Variants in DPP6 observed in about 807,000 individuals in gnomAD.
DPP6 encodes A-type potassium channel modulatory protein DPP6.
In DPP6, 69 loss-of-function variants were observed where a neutral mutation model predicts 122.6. The ratio of observed to expected loss-of-function variants is 0.56; its 90% CI spans 0.46 to 0.69. DPP6 has a LOEUF of 0.69. Ranked by LOEUF, DPP6 falls within the 30% of genes least tolerant of loss-of-function variation. DPP6 has a pLI of 0.00. For synonymous variants in DPP6, 418 were observed against 433.1 expected, an observed-to-expected ratio of 0.97 and a Z score of 0.43; for missense variants, 928 against 1,116.9, an observed-to-expected ratio of 0.83 and a Z score of 2.41.
chr7:154,588,155 G>A, intron 5 of DPP6: 2 of 1,543,276 alleles, frequency 1.3e-6, no homozygotes, highest in South Asian at 2.5e-5. Flanking sequence ...GCTGTCATCA[G>A]GCCCAAGAAA....
intron 16 of DPP6, among the ~76,000 whole-genome samples, chr7:154,822,993 C>T (rs1420968046): frequency 6.6e-6 from 1 of 152,178 alleles, no homozygotes; most frequent in Non-Finnish European, 1.5e-5. Context: ...TGAATAAAAG[C>T]TGCACTACCA....
At chr7:153,872,039 C>G in the DPP6 span, among the ~76,000 whole-genome samples, 1 of 152,198 alleles carries the variant, frequency 6.6e-6, no homozygotes, top group African/African-American at 2.4e-5. Context: ...TATTCTTCAG[C>G]CTTCAAAACT....
intron 1 of DPP6, among the ~76,000 whole-genome samples, chr7:154,408,721 A>G (rs1816332232): frequency 6.7e-6 from 1 of 149,830 alleles, no homozygotes; most frequent in Non-Finnish European, 1.5e-5. Context: ...TGCGTGTCCT[A>G]TCTTTCCAGT....
At chr7:154,133,983 A>G (rs1795419109) in intron 1 of DPP6, among the ~76,000 whole-genome samples, 1 of 151,546 alleles carries the variant, frequency 6.6e-6, no homozygotes, top group African/African-American at 2.4e-5. Flanking sequence ...ATGCTGGAAG[A>G]GCTCCCAAAC....
chr7:154,574,618 ATGTG>A (rs1237090694), intron 5 of DPP6, among the ~76,000 whole-genome samples: 35,230 of 105,502 alleles, frequency 0.33, 4,617 homozygotes, highest in Admixed American at 0.45. Flanking sequence ...TTTGGGGTGT[ATGTG>A]TGTGGTGTGT....
intron 1 of DPP6, among the ~76,000 whole-genome samples, chr7:153,936,690 G>A (rs935951609): frequency 1.3e-5 from 2 of 151,886 alleles, no homozygotes; most frequent in Non-Finnish European, 1.5e-5. Context: ...GGGCGCCTGT[G>A]GTCCCAGCTA....
the DPP6 span, among the ~76,000 whole-genome samples, chr7:153,789,254 A>G: frequency 1.3e-5 from 2 of 152,186 alleles, no homozygotes; most frequent in Admixed American, 6.5e-5. Context: ...AATCAATGTT[A>G]TCTTAGATCC....
rs1823510184 is a variant in DPP6 at position 154,483,495 on chromosome 7, G to T, written c.457+8458G>T. 6.6e-6 allele frequency among the ~76,000 whole-genome samples: 1 copy of T among 152,098 alleles called. No individual in the cohort carries two copies. The highest frequency in any genetic ancestry group is 1.5e-5 in the Non-Finnish European group (1 of 68,026). The stretch of plus-strand genomic sequence containing the variant: ...TTCTACCAAGGGAACAAGGGAGAAG[G>T]CTTTTACAGAACAAAGACAGAAGCA... On this transcript the variant is annotated intron_variant, in intron 3 of 25. Coordinates refer to ENST00000377770, the MANE Select transcript of DPP6 (RefSeq NM_130797.4). The surrounding 1 kb of genome is among the most constrained non-coding windows in gnomAD (Gnocchi z 8.1).
chr7:154,084,989 CAAAAAA>C (rs370222780), intron 1 of DPP6, among the ~76,000 whole-genome samples: 1 of 78,434 alleles, frequency 1.3e-5, no homozygotes, highest in African/African-American at 5.3e-5. Context: ...GACTCCGTCT[CAAAAAA>C]AAAAAAAAAA....
rs938457612 is a variant in DPP6 at position 154,483,942 on chromosome 7, C to A, written c.457+8905C>A. On this transcript the variant is annotated intron_variant, in intron 3 of 25. Coordinates refer to ENST00000377770, the MANE Select transcript of DPP6 (RefSeq NM_130797.4). The surrounding 1 kb of genome is among the most constrained non-coding windows in gnomAD (Gnocchi z 8.1). ...ACTCCTGACCTCGTGATCTGCCCGC[C>A]TCAGCCTCCCAAAGTGTTGGGATTA... 4.6e-5 allele frequency among the ~76,000 whole-genome samples: 7 copies of A among 152,178 alleles called. No individual in the cohort carries two copies. The highest frequency in any genetic ancestry group is 1.7e-4 in the African/African-American group (7 of 41,436).
intron 1 of DPP6, among the ~76,000 whole-genome samples, chr7:154,381,899 G>T (rs1156301155): frequency 6.6e-6 from 1 of 152,032 alleles, no homozygotes; most frequent in Non-Finnish European, 1.5e-5. Flanking sequence ...ATTTGTCATT[G>T]GTGTCCGAGC....
intron 4 of DPP6, among the ~76,000 whole-genome samples, chr7:154,558,841 C>G (rs1184523323): frequency 1.3e-5 from 2 of 152,146 alleles, no homozygotes; most frequent in Non-Finnish European, 2.9e-5. Context: ...TGGAATAACC[C>G]TTAAAACATC....
At chr7:154,296,030 T>C (rs1270049437) in intron 1 of DPP6, among the ~76,000 whole-genome samples, 3 of 146,762 alleles carry the variant, frequency 2.0e-5, no homozygotes, top group East Asian at 2.0e-4. Context: ...CTGCAAGCTC[T>C]ACCTCCCAGG....
At chr7:154,680,686 ATTT>A (rs11295169) in intron 7 of DPP6, among the ~76,000 whole-genome samples, 30,976 of 133,372 alleles carry the variant, frequency 0.23, 3,837 homozygotes, top group Non-Finnish European at 0.3. Context: ...TTATATATAT[ATTT>A]TTTTTAAAAA....
chr7:154,042,495 T>G (rs55656654), intron 1 of DPP6, among the ~76,000 whole-genome samples: 48,280 of 152,124 alleles, frequency 0.32, 8,108 homozygotes, highest in Middle Eastern at 0.41. Flanking sequence ...CAAGCTTTTC[T>G]CAGTGTTCGG....
At chr7:154,888,173 C>T (rs532349453) in intron 23 of DPP6, among the ~76,000 whole-genome samples, 2 of 150,126 alleles carry the variant, frequency 1.3e-5, no homozygotes, top group Non-Finnish European at 2.9e-5. Context: ...ACTGCAACCT[C>T]TGCCTCCCAG....
At chr7:154,186,921 G>A (rs1280676191) in intron 1 of DPP6, among the ~76,000 whole-genome samples, 3 of 152,210 alleles carry the variant, frequency 2.0e-5, no homozygotes, top group Non-Finnish European at 2.9e-5. Context: ...GTGGCTATGC[G>A]GCATTGCATT....
intron 6 of DPP6, among the ~76,000 whole-genome samples, chr7:154,664,244 A>G (rs1169183210): frequency 4.4e-5 from 6 of 137,182 alleles, no homozygotes; most frequent in African/African-American, 1.6e-4. Context: ...TGTTCACGCG[A>G]TCATGGTGAA....
intron 7 of DPP6, among the ~76,000 whole-genome samples, chr7:154,698,914 G>A (rs2131255500): frequency 6.6e-6 from 1 of 152,342 alleles, no homozygotes; most frequent in African/African-American, 2.4e-5. Context: ...GTGAGCTGAG[G>A]AAGACGAAGA....
Sources: allele counts gnomAD v4.1 joint callset (sites outside exome capture counted in the v4.1 genomes callset), GRCh38; gene constraint gnomAD v4.1.1; non-coding constraint Gnocchi (gnomAD v3.1); transcripts MANE v1.5; gene names NCBI Gene and HGNC (gene_info 2026-07-23, HGNC 2026-07-21).